Variants in PARP9 observed in about 807,000 individuals in gnomAD.
The protein encoded by PARP9 is poly(ADP-ribose) polymerase family member 9.
Under a neutral mutation model 68.8 loss-of-function variants are expected in PARP9, and 48 were observed. The ratio of observed to expected loss-of-function variants is 0.70; its 90% CI spans 0.55 to 0.89. PARP9 has a LOEUF of 0.89. Ranked by LOEUF, PARP9 falls within the 40% of genes least tolerant of loss-of-function variation. The pLI is 0.00. For synonymous variants in PARP9, 309 were observed against 333.8 expected (o/e 0.93, Z 0.81); for missense variants, 806 against 969.3 (o/e 0.83, Z 2.24).
intron 4 of PARP9, among the ~76,000 whole-genome samples, chr3:122,553,351 G>A (rs2079372881): frequency 6.6e-6 from 1 of 152,080 alleles, no homozygotes; most frequent in Non-Finnish European, 1.5e-5. Flanking sequence ...CTTCCCCCAT[G>A]CCCAGATTCC....
At chr3:122,537,486 T>A (rs58585665) in intron 8 of PARP9, among the ~76,000 whole-genome samples, 2,981 of 152,288 alleles carry the variant, frequency 0.02, 101 homozygotes, top group African/African-American at 0.068. Flanking sequence ...TGTAAAACAC[T>A]TCAAAATTTT....
At chr3:122,552,246 T>C (rs1169288159) in intron 5 of PARP9, among the ~76,000 whole-genome samples, 172 bp downstream of exon 5, 1 of 152,122 alleles carries the variant, frequency 6.6e-6, no homozygotes, top group African/African-American at 2.4e-5. Context: ...AGATAACTTA[T>C]GGCAACTGTA....
chr3:122,539,506 C>CATTT (rs1480695194), intron 8 of PARP9, among the ~76,000 whole-genome samples: 37 of 125,986 alleles, frequency 2.9e-4, no homozygotes, highest in African/African-American at 9.0e-4. Context: ...CCCAAGATGG[C>CATTT]ATTTCTTTCT....
chr3:122,535,777 C>T lies in PARP9; in HGVS notation c.2080+391G>A, dbSNP rs2077590698. ...CAACTTTCTTAAATTTGGGAAAATG[C>T]CCTTTTAATTAAGGGATGAGGACGG... On this transcript the variant is annotated intron_variant, in intron 10 of 10. Transcript: ENST00000682323. 7 of 1,013,626 alleles carry T rather than the reference C, an allele frequency of 6.9e-6. No homozygotes were observed. The South Asian group carries it at 3.2e-4, about 46-fold the overall frequency. 62.8% of individuals were successfully genotyped at this position (1,013,626 alleles called of 1,614,324 possible). A position where few individuals can be genotyped will look rare whatever the true frequency, so the allele number is the denominator to read the frequency against.
intron 7 of PARP9, among the ~76,000 whole-genome samples, chr3:122,544,387 C>T (rs1262747535): frequency 6.6e-6 from 1 of 152,210 alleles, no homozygotes; most frequent in Non-Finnish European, 1.5e-5. Flanking sequence ...CTATTATCCT[C>T]ACAATGTCTG....
chr3:122,556,123 TG>T lies in PARP9; in HGVS notation c.50-3del. 1.9e-6 allele frequency: 1 copy of T among 537,726 alleles called. No homozygotes were observed. Among genetic ancestry groups the T allele is most frequent in the African/African-American group, 2.4e-5 (1 of 41,622 alleles). 33.3% of individuals were successfully genotyped at this position (537,726 alleles called of 1,614,324 possible). A position where few individuals can be genotyped will look rare whatever the true frequency, so the allele number is the denominator to read the frequency against. On this transcript the variant is annotated splice_polypyrimidine_tract_variant and splice_region_variant and intron_variant, in intron 3 of 10. Coordinates refer to ENST00000682323, the MANE Select transcript of PARP9 (RefSeq NM_001146105.2). ...AGTTTTCTCCAAGAGCACCAGTCTC[TG>T]GAAAAGAAGAGAAGATTAAAAAAAA...
chr3:122,560,951 AT>A (rs1164435956), intron 1 of PARP9, among the ~76,000 whole-genome samples: 1 of 152,194 alleles, frequency 6.6e-6, no homozygotes, highest in East Asian at 1.9e-4. Context: ...AGGCCTATGG[AT>A]AGCCAAACAA....
intron 3 of PARP9, 158 bp downstream of exon 3, chr3:122,558,276 C>T (rs1023004866): frequency 3.4e-5 from 54 of 1,582,808 alleles, no homozygotes; most frequent in Non-Finnish European, 4.5e-5. Flanking sequence ...GTCGGTGCCA[C>T]ACCAACTCTG....
chr3:122,564,122 A>T (rs1229837223), intron 1 of PARP9, 123 bp downstream of exon 1: 1 of 399,922 alleles, frequency 2.5e-6, no homozygotes, highest in Non-Finnish European at 4.5e-6. Context: ...TTCTTTGCAT[A>T]GTCTACTCAC....
intron 5 of PARP9, 116 bp downstream of exon 5, chr3:122,552,302 A>C (rs1358554580): frequency 1.3e-6 from 1 of 767,034 alleles, no homozygotes; most frequent in Non-Finnish European, 2.1e-6. Context: ...AAAATTGAGA[A>C]CTATACCACT....
Position 122,550,206 on chromosome 3 carries a change from A to G in PARP9, c.1326+378T>C, listed in dbSNP as rs373736869. ...GCTATTCTCTTGCCTCAGCCTCCCT[A>G]GTAGCTGGGATTAAAGGCATGTGCC... On this transcript the variant is annotated intron_variant, in intron 6 of 10. Transcript: ENST00000682323. 3.9e-5 allele frequency among the ~76,000 whole-genome samples: 6 copies of G among 152,050 alleles called. No individual in the cohort carries two copies. The East Asian group carries it at 1.2e-3, about 29-fold the overall frequency.
chr3:122,529,234 TAAA>T (rs59705545), intron 10 of PARP9, among the ~76,000 whole-genome samples: 4 of 77,260 alleles, frequency 5.2e-5, no homozygotes, highest in African/African-American at 1.5e-4. Context: ...GCGAAACTCT[TAAA>T]AAAAAAAAAA....
chr3:122,539,945 C>T (rs992517289), intron 8 of PARP9, among the ~76,000 whole-genome samples: 4 of 152,172 alleles, frequency 2.6e-5, no homozygotes, highest in Non-Finnish European at 5.9e-5. Context: ...CAAATTCCCA[C>T]GTGTATCCTG....
At chr3:122,549,781 T>C (rs55740225) in intron 6 of PARP9, among the ~76,000 whole-genome samples, 21,761 of 151,148 alleles carry the variant, frequency 0.14, 1,625 homozygotes, top group Middle Eastern at 0.3. Flanking sequence ...ATCACATCTG[T>C]TTAAAAAAAA....
At position 122,540,704 on chromosome 3, in the gene PARP9, A is replaced by C; in HGVS notation, c.1533T>G (p.Ile511Met). The C allele has an allele frequency of 6.2e-7, 1 of 1,614,110 alleles. No homozygotes were observed. Among genetic ancestry groups the C allele is most frequent in the Non-Finnish European group, 8.5e-7 (1 of 1,180,006 alleles). Residue 511 changes from isoleucine to methionine, a missense_variant, in exon 8 of 11, where the codon ATT (isoleucine) becomes ATG (methionine). Coordinates refer to ENST00000682323, the MANE Select transcript of PARP9 (RefSeq NM_001146105.2). ...RILSLQNHHI[I>M]ENNHILYLGR... ...CAAGGTACAGAATATGATTATTCTC[A>C]ATGATGTGGTGGTTCTGGAGACTCA...
At chr3:122,548,292 T>G (rs564244413) in intron 6 of PARP9, among the ~76,000 whole-genome samples, 1 of 152,186 alleles carries the variant, frequency 6.6e-6, no homozygotes, top group Non-Finnish European at 1.5e-5. Flanking sequence ...ATGGCAACCA[T>G]GCACATAGAG....
At chr3:122,535,566 G>C in intron 10 of PARP9, 2 of 985,370 alleles carry the variant, frequency 2.0e-6, no homozygotes, top group Non-Finnish European at 2.4e-6. Flanking sequence ...TGACTGAGGA[G>C]TAGAGGGGGC....
At chr3:122,533,823 A>G (rs2077462440) in intron 10 of PARP9, 2 of 985,502 alleles carry the variant, frequency 2.0e-6, no homozygotes, top group Non-Finnish European at 2.4e-6. Context: ...GTTTGTTAAC[A>G]GAAGTTCTGT....
intron 6 of PARP9, among the ~76,000 whole-genome samples, chr3:122,546,740 CA>C (rs2078726851): frequency 6.6e-6 from 1 of 151,774 alleles, no homozygotes; most frequent in African/African-American, 2.4e-5. Context: ...AAAGATGTAT[CA>C]TTCTCTGTGT....
Sources: gnomAD v4.1 joint callset for allele counts (sites outside exome capture counted in the v4.1 genomes callset) on GRCh38, gnomAD v4.1.1 for gene constraint, MANE v1.5 for transcripts, NCBI Gene and HGNC (gene_info 2026-07-23, HGNC 2026-07-21) for gene names.